ZNF713: variants seen among roughly 807,000 people sequenced by gnomAD.
ZNF713 encodes the protein zinc finger protein 713.
Under a neutral mutation model 28.7 loss-of-function variants are expected in ZNF713, and 21 were observed. The observed-to-expected ratio is 0.73, with a 90% CI of 0.52 to 1.05. ZNF713 has a LOEUF of 1.05. Ranked by LOEUF, ZNF713 falls within the 50% of genes least tolerant of loss-of-function variation. The pLI, the probability that ZNF713 is intolerant of heterozygous loss-of-function variation, is 0.00. For missense variants in ZNF713, 458 were observed against 532.4 expected, an observed-to-expected ratio of 0.86 and a Z score of 1.37; for synonymous variants, 167 against 178.0, an observed-to-expected ratio of 0.94 and a Z score of 0.49.
intron 6 of ZNF713, among the ~76,000 whole-genome samples, chr7:55,934,043 A>G (rs1786295223): frequency 6.6e-6 from 1 of 152,166 alleles, no homozygotes; most frequent in Admixed American, 6.6e-5. Context: ...GGTTGGGGCT[A>G]CCAGATTTTG....
At chr7:55,937,329 A>T (rs538689058) in intron 6 of ZNF713, among the ~76,000 whole-genome samples, 8 of 151,744 alleles carry the variant, frequency 5.3e-5, no homozygotes, top group Admixed American at 3.3e-4. Flanking sequence ...AATTAAAATT[A>T]AAAAAAACTA....
intron 4 of ZNF713, 84 bp from the exon 5 acceptor site, chr7:55,923,078 C>A: frequency 6.9e-7 from 1 of 1,450,684 alleles, no homozygotes; most frequent in Non-Finnish European, 9.2e-7. Context: ...GCTTAGATAA[C>A]CTGGTGCTAC....
At chr7:55,935,882 G>A (rs1447853520) in intron 6 of ZNF713, among the ~76,000 whole-genome samples, 16 of 152,024 alleles carry the variant, frequency 1.1e-4, no homozygotes, top group Non-Finnish European at 1.6e-4. Context: ...GTGAACCTGG[G>A]AGGCAGCGCT....
At chr7:55,910,512 T>C (rs1386648437) in intron 2 of ZNF713, among the ~76,000 whole-genome samples, 1 of 152,132 alleles carries the variant, frequency 6.6e-6, no homozygotes, top group African/African-American at 2.4e-5. Flanking sequence ...TTTTTGTTTT[T>C]TAAGACAGGG....
At chr7:55,911,324 T>A (rs146631332) in intron 2 of ZNF713, among the ~76,000 whole-genome samples, 69 of 152,350 alleles carry the variant, frequency 4.5e-4, no homozygotes, top group African/African-American at 1.6e-3. Context: ...TCCATCTTTC[T>A]AAAGAAAACA....
chr7:55,918,776 C>A (rs572247069), intron 4 of ZNF713, among the ~76,000 whole-genome samples: 1 of 152,034 alleles, frequency 6.6e-6, no homozygotes, highest in Non-Finnish European at 1.5e-5. Context: ...AGGCCTCACT[C>A]GAGGTCAGGA....
chr7:55,913,838 G>A (rs1785831853), intron 4 of ZNF713, among the ~76,000 whole-genome samples: 1 of 152,150 alleles, frequency 6.6e-6, no homozygotes. Context: ...CTGGCTGAGT[G>A]CAGGGGCTCA....
At chr7:55,893,659 A>C (rs1326710860) in intron 1 of ZNF713, among the ~76,000 whole-genome samples, 1 of 152,042 alleles carries the variant, frequency 6.6e-6, no homozygotes, top group Non-Finnish European at 1.5e-5. Context: ...GGCTCACTGC[A>C]ACCTCCGCCT....
intron 6 of ZNF713, chr7:55,925,026 A>G (rs1445168912): frequency 1.3e-5 from 2 of 152,064 alleles, no homozygotes; most frequent in Non-Finnish European, 2.9e-5. Flanking sequence ...AAAAAAAAAA[A>G]ATCCCAACCA....
At chr7:55,892,555 CAAAAAAAAAAAA>C (rs56338467) in intron 1 of ZNF713, among the ~76,000 whole-genome samples, 4 of 74,368 alleles carry the variant, frequency 5.4e-5, no homozygotes, top group Non-Finnish European at 6.9e-5. Flanking sequence ...AAGCACTGAC[CAAAAAAAAAAAA>C]AAAAAAAAAA....
intron 6 of ZNF713, among the ~76,000 whole-genome samples, chr7:55,930,721 G>A (rs1007897507): frequency 3.8e-4 from 58 of 151,946 alleles, no homozygotes; most frequent in Admixed American, 3.0e-3. Flanking sequence ...AGCCGAGATC[G>A]TGCTACTCGC....
chr7:55,898,991 C>A (rs4947527), intron 1 of ZNF713, among the ~76,000 whole-genome samples: 1 of 152,036 alleles, frequency 6.6e-6, no homozygotes, highest in African/African-American at 2.4e-5. Flanking sequence ...GAAAAGGGAA[C>A]GCTTATGCAC....
chr7:55,887,523 G>C lies in ZNF713; in HGVS notation c.-740G>C, dbSNP rs1785264751. The C allele has an allele frequency of 6.0e-6, 1 of 166,062 alleles. No homozygotes were observed. Among genetic ancestry groups the C allele is most frequent in the Non-Finnish European group, 1.3e-5 (1 of 78,168 alleles). 10.3% of individuals were successfully genotyped at this position (166,062 alleles called of 1,614,324 possible). On this transcript the variant is annotated 5_prime_UTR_variant, in exon 1 of 7. Transcript: ENST00000429591. ...GGTCTGGCGCGCCGGTGGCTGGACC[G>C]GCCCCAGGAGCCCAGTCACCGGGCG... is the stretch of plus-strand genomic sequence containing the variant.
chr7:55,919,498 T>G lies in ZNF713; in HGVS notation c.88-3664T>G, dbSNP rs1161010245. On this transcript the variant is annotated intron_variant, in intron 4 of 6. Transcript: ENST00000429591. ...AATTGGTAAACACTCCAGTTTTTTT[T>G]TTTTTTTTTTTTTTTTTTTTTTTTT... 6.2e-4 allele frequency among the ~76,000 whole-genome samples: 37 copies of G among 59,662 alleles called. 1 individual carries two copies. The highest frequency in any genetic ancestry group is 2.6e-3 in the African/African-American group (33 of 12,650). The allele number at this position is 59,662 out of a possible 152,430, so 39.1% of individuals were successfully genotyped here. A position where few individuals can be genotyped will look rare whatever the true frequency, so the allele number is the denominator to read the frequency against.
intron 6 of ZNF713, among the ~76,000 whole-genome samples, chr7:55,936,958 C>T (rs1245485287): frequency 2.6e-5 from 4 of 152,136 alleles, no homozygotes; most frequent in Non-Finnish European, 5.9e-5. Flanking sequence ...GCCTTTCTCT[C>T]CTCCCTCCAC....
chr7:55,919,118 T>C (rs1178660061), intron 4 of ZNF713, among the ~76,000 whole-genome samples: 1 of 151,914 alleles, frequency 6.6e-6, no homozygotes, highest in Non-Finnish European at 1.5e-5. Context: ...TAAAGTAAAA[T>C]GTGAGGGAAA....
intron 1 of ZNF713, among the ~76,000 whole-genome samples, chr7:55,895,211 T>C (rs1428227539): frequency 6.6e-6 from 1 of 152,064 alleles, no homozygotes; most frequent in Admixed American, 6.6e-5. Context: ...GCTGAACCAA[T>C]GTACTAGACA....
intron 1 of ZNF713, among the ~76,000 whole-genome samples, chr7:55,887,970 T>C (rs80077746): frequency 0.036 from 5,385 of 150,684 alleles, 330 homozygotes; most frequent in African/African-American, 0.12. Flanking sequence ...ACCCGCCCCG[T>C]GTCCCTTTCA....
At chr7:55,916,290 A>G (rs1255654566) in intron 4 of ZNF713, among the ~76,000 whole-genome samples, 1 of 152,200 alleles carries the variant, frequency 6.6e-6, no homozygotes, top group Non-Finnish European at 1.5e-5. Context: ...CATTCTAGCC[A>G]TCCTGGCCTC....
Sources: allele counts gnomAD v4.1 joint callset (sites outside exome capture counted in the v4.1 genomes callset), GRCh38; gene constraint gnomAD v4.1.1; transcripts MANE v1.5; gene names NCBI Gene and HGNC (gene_info 2026-07-23, HGNC 2026-07-21).